The following UPF2 variants were observed in gnomAD, a reference collection of about 807,000 sequenced individuals.
The protein encoded by UPF2 is UPF2 regulator of nonsense mediated mRNA decay.
In UPF2, 17 loss-of-function variants were observed where a neutral mutation model predicts 141.4. The ratio of observed to expected loss-of-function variants is 0.12; its 90% CI spans 0.08 to 0.18. UPF2 has a LOEUF of 0.18. Ranked by LOEUF, UPF2 falls within the 10% of genes least tolerant of loss-of-function variation. The pLI is 1.00. For missense variants in UPF2, 1,152 were observed against 1,515.9 expected, an observed-to-expected ratio of 0.76 and a Z score of 3.99; for synonymous variants, 540 against 498.0, an observed-to-expected ratio of 1.08 and a Z score of -1.12.
chr10:11,937,776 G>A (rs1832872724), intron 18 of UPF2, among the ~76,000 whole-genome samples: 1 of 152,150 alleles, frequency 6.6e-6, no homozygotes, highest in Non-Finnish European at 1.5e-5. Context: ...ATATATTCAA[G>A]AGACTTGCAA....
In UPF2 at chr10:11,956,637, T is replaced by C. The variant is rs536099260; in HGVS notation, c.2371-114A>G. Reference sequence around the variant, plus strand: ...AGAACTTTTGAAATAGAAAATACATTAGAAATCCTCTATCGGCCTCTTCAG... The same window carrying C: ...AGAACTTTTGAAATAGAAAATACATCAGAAATCCTCTATCGGCCTCTTCAG... On this transcript the variant is annotated intron_variant, in intron 12 of 21. Transcript: ENST00000357604. This position sits in a 1 kb window ranked among gnomAD's most constrained non-coding sequence, Gnocchi z 4.2. 100 of 893,950 alleles carry C rather than the reference T, an allele frequency of 1.1e-4. No individual in the cohort carries two copies. Among genetic ancestry groups the C allele is most frequent in the Non-Finnish European group, 1.3e-4 (77 of 579,954 alleles). The allele number at this position is 893,950 out of a possible 1,614,324, so 55.4% of individuals were successfully genotyped here. A position where few individuals can be genotyped will look rare whatever the true frequency, so the allele number is the denominator to read the frequency against.
At chr10:11,991,389 C>A (rs1833778292) in intron 8 of UPF2, among the ~76,000 whole-genome samples, 1 of 151,486 alleles carries the variant, frequency 6.6e-6, no homozygotes. Context: ...CATTGGGGTA[C>A]CTAAAAAAGA....
At chr10:11,991,902 T>C (rs1255008629) in intron 8 of UPF2, among the ~76,000 whole-genome samples, 2 of 152,182 alleles carry the variant, frequency 1.3e-5, no homozygotes, top group Non-Finnish European at 2.9e-5. Flanking sequence ...TCCCAGCACC[T>C]TGGGAGGCTG....
At chr10:11,930,082 T>C in intron 20 of UPF2, 97 bp from the exon 21 acceptor site, 1 of 1,550,580 alleles carries the variant, frequency 6.4e-7, no homozygotes, top group Non-Finnish European at 8.8e-7. Flanking sequence ...AGTTTATTAG[T>C]CCTGTCAGGG....
chr10:12,040,564 C>T (rs796926872), intron 1 of UPF2, among the ~76,000 whole-genome samples: 4 of 152,198 alleles, frequency 2.6e-5, no homozygotes, highest in African/African-American at 7.2e-5. Flanking sequence ...TACAAGCATA[C>T]GCCCAAAGTA....
intron 2 of UPF2, among the ~76,000 whole-genome samples, chr10:12,030,162 T>C (rs1834492895): frequency 6.6e-6 from 1 of 151,376 alleles, no homozygotes; most frequent in Non-Finnish European, 1.5e-5. Flanking sequence ...CTGTGAAAAA[T>C]ATAGTATGTT....
rs1713502343 is a variant in UPF2 at position 12,035,112 on chromosome 10, C to T, written c.312G>A (p.Lys104=). 8 of 1,588,248 alleles carry T rather than the reference C, an allele frequency of 5.0e-6. No homozygotes were observed. Among genetic ancestry groups the T allele is most frequent in the East Asian group, 2.2e-5 (1 of 44,762 alleles). The part of the protein sequence containing the change: ...KKKHQEEERK[K]QEEQAKRQQE... Reference sequence around the variant, plus strand: ...GCTGACGTTTGGCCTGCTCTTCTTGCTTCTTTCTCTCTTCCTCTTGATGTT... The same window carrying T: ...GCTGACGTTTGGCCTGCTCTTCTTGTTTCTTTCTCTCTTCCTCTTGATGTT... Residue 104 remains lysine, a synonymous_variant, in exon 2 of 22, where the codon AAG becomes AAA. Transcript: ENST00000357604.
Position 11,921,202 on chromosome 10 carries a change from G to A in UPF2, c.*96C>T. The A allele has an allele frequency of 6.5e-7, 1 of 1,543,984 alleles. No individual in the cohort carries two copies. The highest frequency in any genetic ancestry group is 9.0e-7 in the Non-Finnish European group (1 of 1,116,198). ...GATTCGCAACTCTCTAGACCGACCT[G>A]CTGAGATGTGTCCACTGCTCTCATT... On this transcript the variant is annotated 3_prime_UTR_variant, in exon 22 of 22. Transcript: ENST00000357604. This position sits in a 1 kb window ranked among gnomAD's most constrained non-coding sequence, Gnocchi z 5.9.
At chr10:12,032,451 T>C (rs1834542283) in intron 2 of UPF2, among the ~76,000 whole-genome samples, 1 of 152,146 alleles carries the variant, frequency 6.6e-6, no homozygotes, top group Admixed American at 6.6e-5. Context: ...TGGGTAATTA[T>C]TGATGCTAGG....
rs1253662142 is a variant in UPF2 at position 12,042,093 on chromosome 10, A to C, written c.-19+662T>G. On this transcript the variant is annotated intron_variant, in intron 1 of 21. Transcript: ENST00000357604. The surrounding 1 kb of genome is among the most constrained non-coding windows in gnomAD (Gnocchi z 5.5). ...CTATGTGATTAAAAGGAAGTCAACC[A>C]AACAGCCCATGCCCACCATCCCCAG... Among the ~76,000 whole-genome samples, 1 of 152,110 alleles carries C rather than the reference A, an allele frequency of 6.6e-6. No individual in the cohort carries two copies. Among genetic ancestry groups the C allele is most frequent in the Non-Finnish European group, 1.5e-5 (1 of 68,002 alleles).
At position 11,952,121 on chromosome 10, in the gene UPF2, C is replaced by T; in HGVS notation, c.2979G>A (p.Leu993=). 3 of 1,614,014 alleles carry T rather than the reference C, an allele frequency of 1.9e-6. No individual in the cohort carries two copies. The highest frequency in any genetic ancestry group is 2.5e-6 in the Non-Finnish European group (3 of 1,179,952). The part of the protein sequence containing the change: ...LRPKIKLCNS[L]EESIRQVQDL... ...CTTGTACCTGCCTGATGGATTCTTC[C>T]AGAGAATTACAGAGTTTGATCTTTG... is the stretch of plus-strand genomic sequence containing the variant. Residue 993 remains leucine (L), a synonymous_variant, in exon 15 of 22, where the codon CTG becomes CTA. Transcript: ENST00000357604.
intron 8 of UPF2, among the ~76,000 whole-genome samples, chr10:11,991,452 T>C (rs998639531): frequency 3.3e-5 from 5 of 152,056 alleles, no homozygotes; most frequent in African/African-American, 1.2e-4. Flanking sequence ...AGGAAATAAA[T>C]AAATTTTAAA....
intron 1 of UPF2, among the ~76,000 whole-genome samples, chr10:12,037,677 C>G (rs886134999): frequency 2.0e-5 from 3 of 151,954 alleles, no homozygotes; most frequent in Non-Finnish European, 4.4e-5. Flanking sequence ...CAAGCATGAG[C>G]CACAGTGCCC....
rs866848377 is a variant in UPF2 at position 11,936,360 on chromosome 10, G to A, written c.3546+185C>T. Among the ~76,000 whole-genome samples, 10 of 150,594 alleles carry A rather than the reference G, an allele frequency of 6.6e-5. No homozygotes were observed. The highest frequency in any genetic ancestry group is 1.2e-4 in the African/African-American group (5 of 40,678). ...AGCCTGGGCGACAAAGTGAGACGCC[G>A]TCTCAAAAAAAACAAAAACAAAAAC... On this transcript the variant is annotated intron_variant, in intron 19 of 21. Coordinates refer to ENST00000357604, the MANE Select transcript of UPF2 (RefSeq NM_015542.4). This position sits in a 1 kb window ranked among gnomAD's most constrained non-coding sequence, Gnocchi z 6.6.
chr10:11,938,653 A>C (rs1832883657), intron 18 of UPF2, among the ~76,000 whole-genome samples: 1 of 151,862 alleles, frequency 6.6e-6, no homozygotes, highest in Non-Finnish European at 1.5e-5. Context: ...TAAAAAAAAA[A>C]ACTAGATCAT....
intron 21 of UPF2, among the ~76,000 whole-genome samples, chr10:11,928,889 C>T (rs1224269260): frequency 6.6e-6 from 1 of 152,192 alleles, no homozygotes. Context: ...GTGGCTCACG[C>T]CTGTAATCCC....
intron 11 of UPF2, among the ~76,000 whole-genome samples, chr10:11,960,427 G>T (rs7898134): frequency 6.6e-6 from 1 of 151,948 alleles, no homozygotes; most frequent in Non-Finnish European, 1.5e-5. Flanking sequence ...AAATAGCTGG[G>T]CACAGTGGTA....
intron 1 of UPF2, 110 bp from the exon 2 acceptor site, chr10:12,035,551 G>A: frequency 1.7e-6 from 2 of 1,175,872 alleles, no homozygotes; most frequent in South Asian, 4.1e-5. Flanking sequence ...TTGTAAAAGA[G>A]TAAATAAAGG....
At chr10:11,982,270 A>G (rs1409435837) in intron 8 of UPF2, among the ~76,000 whole-genome samples, 1 of 152,220 alleles carries the variant, frequency 6.6e-6, no homozygotes, top group African/African-American at 2.4e-5. Context: ...TTCAGGTCAG[A>G]AAAGTACAGG....
Sources: gnomAD v4.1 joint callset for allele counts (sites outside exome capture counted in the v4.1 genomes callset) on GRCh38, gnomAD v4.1.1 for gene constraint, Gnocchi (gnomAD v3.1) non-coding constraint, MANE v1.5 for transcripts, NCBI Gene and HGNC (gene_info 2026-07-23, HGNC 2026-07-21) for gene names.